CNTNAP2: variants seen among roughly 807,000 people sequenced by gnomAD.
CNTNAP2 encodes the protein contactin-associated protein-like 2.
CNTNAP2 carries 98 observed loss-of-function variants against 155.2 expected under a neutral mutation model. The observed-to-expected ratio is 0.63, with a 90% CI of 0.54 to 0.75. CNTNAP2 has a LOEUF of 0.75. CNTNAP2 is among the 30% of genes least tolerant of loss of function. The probability of loss-of-function intolerance (pLI) is 0.00; values close to 1 mark genes in which losing one functional copy is unlikely to be tolerated. For missense variants in CNTNAP2, 1,727 were observed against 1,688.1 expected (o/e 1.02, Z -0.40); for synonymous variants, 651 against 631.2 (o/e 1.03, Z -0.47).
intron 1 of CNTNAP2, among the ~76,000 whole-genome samples, chr7:146,497,973 C>T (rs1797245223): frequency 6.6e-6 from 1 of 151,348 alleles, no homozygotes; most frequent in Non-Finnish European, 1.5e-5. Flanking sequence ...TGATTACTTA[C>T]TTACTAAAGT....
At chr7:146,187,499 C>T (rs1798641300) in intron 1 of CNTNAP2, among the ~76,000 whole-genome samples, 1 of 152,200 alleles carries the variant, frequency 6.6e-6, no homozygotes, top group African/African-American at 2.4e-5. Flanking sequence ...TATACATTAT[C>T]ACAGAATCAA....
rs971327012 is a variant in CNTNAP2 at position 148,093,424 on chromosome 7, C to T, written c.2384-24694C>T. On this transcript the variant is annotated intron_variant, in intron 15 of 23. Coordinates refer to ENST00000361727, the MANE Select transcript of CNTNAP2 (RefSeq NM_014141.6). The stretch of plus-strand genomic sequence containing the variant: ...TCTGATATGACGACTATTGTCATTC[C>T]CTAGAATTAGTATTCTGTTCAACAT... Among the ~76,000 whole-genome samples, 21 of 152,144 alleles carry T rather than the reference C, an allele frequency of 1.4e-4. 2 individuals are homozygous for T. Among genetic ancestry groups the T allele is most frequent in the African/African-American group, 3.9e-4 (16 of 41,408 alleles).
chr7:146,595,919 A>T (rs1798852337), intron 1 of CNTNAP2, among the ~76,000 whole-genome samples: 1 of 152,064 alleles, frequency 6.6e-6, no homozygotes, highest in Non-Finnish European at 1.5e-5. Flanking sequence ...GTCCAGGTGT[A>T]AATGGTAGTT....
At chr7:148,343,485 G>A (rs899565643) in intron 21 of CNTNAP2, among the ~76,000 whole-genome samples, 3 of 151,972 alleles carry the variant, frequency 2.0e-5, no homozygotes, top group African/African-American at 7.3e-5. Flanking sequence ...TCCTTTCTTC[G>A]ATTTGAATAT....
intron 3 of CNTNAP2, among the ~76,000 whole-genome samples, chr7:146,942,187 GA>G (rs1471766542): frequency 6.6e-6 from 1 of 151,810 alleles, no homozygotes; most frequent in African/African-American, 2.4e-5. Flanking sequence ...GAATGGAATG[GA>G]AAAATACCTT....
chr7:146,865,466 G>T (rs907977300), intron 3 of CNTNAP2, among the ~76,000 whole-genome samples: 1 of 151,640 alleles, frequency 6.6e-6, no homozygotes, highest in African/African-American at 2.4e-5. Flanking sequence ...TAGATGAAGA[G>T]TCCAAAATTG....
intron 1 of CNTNAP2, among the ~76,000 whole-genome samples, chr7:146,659,502 T>C (rs1800050919): frequency 6.6e-6 from 1 of 152,202 alleles, no homozygotes; most frequent in South Asian, 2.1e-4. Context: ...AAAAGTTTAA[T>C]TCTATTTTTT....
In CNTNAP2 at chr7:147,737,504, A is replaced by T. The variant is rs1197360168; in HGVS notation, c.2098+98198A>T. On this transcript the variant is annotated intron_variant, in intron 13 of 23. Coordinates refer to ENST00000361727, the MANE Select transcript of CNTNAP2 (RefSeq NM_014141.6). ...CTTGAGGCAGTCTGTCCGTTCGCAG[A>T]TCTCAAGCTCCGTGCTGGGAGAACC... Among the ~76,000 whole-genome samples, 6 of 151,822 alleles carry T rather than the reference A, an allele frequency of 4.0e-5. No homozygotes were observed. In the South Asian group the frequency reaches 1.0e-3, roughly 26 times the overall value.
intron 3 of CNTNAP2, among the ~76,000 whole-genome samples, chr7:146,844,392 T>C (rs1803802684): frequency 6.6e-6 from 1 of 152,154 alleles, no homozygotes; most frequent in South Asian, 2.1e-4. Flanking sequence ...AGAACCTCTT[T>C]TCCAATGTAA....
intron 1 of CNTNAP2, among the ~76,000 whole-genome samples, chr7:146,460,663 T>C (rs2129124399): frequency 6.6e-6 from 1 of 152,328 alleles, no homozygotes; most frequent in South Asian, 2.1e-4. Context: ...GGAAATCCTG[T>C]CCTTTGTGAC....
At chr7:147,634,897 C>T (rs893375022) in intron 12 of CNTNAP2, among the ~76,000 whole-genome samples, 4 of 152,090 alleles carry the variant, frequency 2.6e-5, no homozygotes, top group Non-Finnish European at 4.4e-5. Flanking sequence ...TTCTAACTCC[C>T]GCTTCTTCCT....
At position 148,276,091 on chromosome 7, in the gene CNTNAP2, C is replaced by T. The variant is rs76520970; in HGVS notation, c.3475+8965C>T. Among the ~76,000 whole-genome samples, 1,338 of 152,240 alleles carry T rather than the reference C, an allele frequency of 8.8e-3. 17 individuals carry two copies. The highest frequency in any genetic ancestry group is 0.031 in the African/African-American group (1,273 of 41,548). On this transcript the variant is annotated intron_variant, in intron 21 of 23. Coordinates refer to ENST00000361727, the MANE Select transcript of CNTNAP2 (RefSeq NM_014141.6). ...TTTACCAGCAGGGCCACATGTCCTGCTTTGCCTGGGACAGACCCAAGCTAC... is the reference window on the plus strand; with the variant it reads ...TTTACCAGCAGGGCCACATGTCCTGTTTTGCCTGGGACAGACCCAAGCTAC...
chr7:147,997,915 T>G (rs1489009656), intron 15 of CNTNAP2, among the ~76,000 whole-genome samples: 7 of 152,002 alleles, frequency 4.6e-5, no homozygotes, highest in Non-Finnish European at 8.8e-5. Context: ...TTTATACCAT[T>G]ATAATGAACA....
At chr7:146,917,627 G>A (rs576478426) in intron 3 of CNTNAP2, among the ~76,000 whole-genome samples, 40 of 152,126 alleles carry the variant, frequency 2.6e-4, no homozygotes, top group African/African-American at 8.0e-4. Flanking sequence ...ATTGTAGCTC[G>A]CACAATTCCC....
At chr7:148,048,082 C>T (rs1802807411) in intron 15 of CNTNAP2, among the ~76,000 whole-genome samples, 1 of 147,856 alleles carries the variant, frequency 6.8e-6, no homozygotes, top group African/African-American at 2.5e-5. Context: ...TGCCACCATG[C>T]CCAGCTAATT....
chr7:146,222,807 C>T (rs1197691268), intron 1 of CNTNAP2, among the ~76,000 whole-genome samples: 1 of 151,800 alleles, frequency 6.6e-6, no homozygotes, highest in Non-Finnish European at 1.5e-5. Context: ...AGGCGCCCGC[C>T]ACCACGCCCA....
intron 1 of CNTNAP2, among the ~76,000 whole-genome samples, chr7:146,126,286 A>G (rs1479205608): frequency 1.3e-5 from 2 of 152,230 alleles, no homozygotes; most frequent in African/African-American, 4.8e-5. Flanking sequence ...TATTGGCATA[A>G]TGTTTCTATC....
intron 1 of CNTNAP2, among the ~76,000 whole-genome samples, chr7:146,494,854 G>C (rs550398035): frequency 6.6e-6 from 1 of 152,190 alleles, no homozygotes; most frequent in African/African-American, 2.4e-5. Flanking sequence ...ATAATTCGAT[G>C]AGCTAGCTTA....
At chr7:146,608,259 A>C (rs1172638447) in intron 1 of CNTNAP2, among the ~76,000 whole-genome samples, 1 of 152,018 alleles carries the variant, frequency 6.6e-6, no homozygotes, top group Non-Finnish European at 1.5e-5. Context: ...CAGGTTTAAA[A>C]CTCTTTAAGG....
Sources: gnomAD v4.1 joint callset for allele counts (sites outside exome capture counted in the v4.1 genomes callset) on GRCh38, gnomAD v4.1.1 for gene constraint, MANE v1.5 for transcripts, NCBI Gene and HGNC (gene_info 2026-07-23, HGNC 2026-07-21) for gene names.